Variants in TBC1D1 observed in about 807,000 individuals in gnomAD.
The protein encoded by TBC1D1 is TBC1 (tre-2/USP6, BUB2, cdc16) domain family, member 1.
TBC1D1 carries 89 observed loss-of-function variants against 125.6 expected under a neutral mutation model. The observed-to-expected ratio is 0.71, with a 90% confidence interval of 0.60 to 0.85. The LOEUF (loss-of-function observed/expected upper bound fraction) is 0.85, where lower values mean the gene tolerates loss of function less well. TBC1D1 is among the 40% of genes least tolerant of loss of function. The pLI, the probability that TBC1D1 is intolerant of heterozygous loss-of-function variation, is 0.00. For synonymous variants in TBC1D1, 565 were observed against 564.1 expected (o/e 1.00, Z -0.02); for missense variants, 1,377 against 1,469.2 (o/e 0.94, Z 1.03).
intron 2 of TBC1D1, among the ~76,000 whole-genome samples, chr4:37,957,063 G>A (rs1176898013): frequency 6.6e-6 from 1 of 152,016 alleles, no homozygotes; most frequent in Non-Finnish European, 1.5e-5. Context: ...CTGCACCATG[G>A]CCTCCCTCCC....
At chr4:38,108,136 A>G (rs117909428) in intron 15 of TBC1D1, among the ~76,000 whole-genome samples, 2,236 of 152,290 alleles carry the variant, frequency 0.015, 44 homozygotes, top group South Asian at 0.055. Context: ...TGGGTAGACA[A>G]CATGGACTGC....
intron 6 of TBC1D1, among the ~76,000 whole-genome samples, chr4:38,023,078 G>A (rs530672028): frequency 1.1e-4 from 16 of 151,666 alleles, no homozygotes; most frequent in Admixed American, 2.0e-4. Flanking sequence ...TCTCAAATAC[G>A]TTTCTACTAA....
chr4:37,994,236 T>C (rs1400635608), intron 2 of TBC1D1, among the ~76,000 whole-genome samples: 1 of 152,248 alleles, frequency 6.6e-6, no homozygotes, highest in Non-Finnish European at 1.5e-5. Flanking sequence ...GAATGAGCTC[T>C]AGTTGAAAGA....
At chr4:38,133,019 CGCCT>C in intron 18 of TBC1D1, 61 bp from the exon 21 acceptor site, 3 of 1,474,376 alleles carry the variant, frequency 2.0e-6, no homozygotes, top group Non-Finnish European at 2.8e-6. Flanking sequence ...TGATTGCAGA[CGCCT>C]GCCTGTACTT....
In TBC1D1 at chr4:38,104,535, C is replaced by A. The variant is rs539269787; in HGVS notation, c.2557+1378C>A. Among the ~76,000 whole-genome samples the A allele has an allele frequency of 5.8e-4, 89 of 152,292 alleles. 1 individual carries two copies. The highest frequency in any genetic ancestry group is 1.8e-4 in the Non-Finnish European group (12 of 68,016). On this transcript the variant is annotated intron_variant, in intron 15 of 19. Coordinates refer to ENST00000261439, the MANE Select transcript of TBC1D1 (RefSeq NM_015173.4). ...GCCCTGCTGCTTTTAGAGCATGTGG[C>A]CCTGCTTCCAGAATACCTGTTCTGG...
intron 13 of TBC1D1, among the ~76,000 whole-genome samples, chr4:38,093,519 T>TTTCC (rs375345240): frequency 6.9e-6 from 1 of 145,756 alleles, no homozygotes; most frequent in Non-Finnish European, 1.5e-5. Context: ...AAGGCCGTTT[T>TTTCC]CCCCCCCCTT....
chr4:37,909,401 G>C (rs943722767), intron 2 of TBC1D1, among the ~76,000 whole-genome samples: 2 of 152,090 alleles, frequency 1.3e-5, no homozygotes, highest in African/African-American at 4.8e-5. Flanking sequence ...TTACTAATTT[G>C]TTTTAATAAT....
intron 12 of TBC1D1, among the ~76,000 whole-genome samples, chr4:38,079,071 C>CT (rs1358592144): frequency 6.6e-6 from 1 of 151,388 alleles, no homozygotes; most frequent in Non-Finnish European, 1.5e-5. Flanking sequence ...GTACCCTGGG[C>CT]TGAGGAGGCC....
chr4:38,032,028 A>T (rs1746250168), intron 7 of TBC1D1, among the ~76,000 whole-genome samples: 1 of 152,204 alleles, frequency 6.6e-6, no homozygotes, highest in African/African-American at 2.4e-5. Flanking sequence ...TAAGAAATGG[A>T]GCATTTCTGG....
At chr4:38,056,435 C>G (rs535790857) in intron 12 of TBC1D1, among the ~76,000 whole-genome samples, 1 of 152,320 alleles carries the variant, frequency 6.6e-6, no homozygotes, top group South Asian at 2.1e-4. Flanking sequence ...TAATCTGTTT[C>G]TGCTTTAAGT....
intron 15 of TBC1D1, among the ~76,000 whole-genome samples, chr4:38,109,378 CGTT>C (rs1418013467): frequency 6.6e-6 from 1 of 152,154 alleles, no homozygotes; most frequent in Non-Finnish European, 1.5e-5. Context: ...AACTAAATGT[CGTT>C]GATAAAAGGA....
intron 19 of TBC1D1, among the ~76,000 whole-genome samples, chr4:38,134,347 C>T (rs555707163): frequency 6.6e-6 from 1 of 152,272 alleles, no homozygotes; most frequent in African/African-American, 2.4e-5. Context: ...GAACCAAGAC[C>T]GAATGCTATT....
chr4:38,093,000 A>C (rs961733729), intron 13 of TBC1D1, among the ~76,000 whole-genome samples: 1 of 152,146 alleles, frequency 6.6e-6, no homozygotes, highest in Non-Finnish European at 1.5e-5. Flanking sequence ...AGAGAACACA[A>C]ACTCCACACA....
intron 2 of TBC1D1, among the ~76,000 whole-genome samples, chr4:37,955,269 C>T (rs1334979479): frequency 1.3e-5 from 2 of 152,130 alleles, no homozygotes; most frequent in African/African-American, 2.4e-5. Context: ...AAAGGTAGCG[C>T]AGACTTAATG....
At chr4:37,967,723 GA>G (rs1280462204) in intron 2 of TBC1D1, among the ~76,000 whole-genome samples, 1 of 151,892 alleles carries the variant, frequency 6.6e-6, no homozygotes, top group Non-Finnish European at 1.5e-5. Flanking sequence ...TTTCAGTTTA[GA>G]AAAAAAAGTT....
intron 12 of TBC1D1, among the ~76,000 whole-genome samples, chr4:38,070,510 C>G (rs962701735): frequency 6.6e-6 from 1 of 152,214 alleles, no homozygotes; most frequent in Admixed American, 6.5e-5. Flanking sequence ...GGATTCATAT[C>G]TAAATCCTAG....
chr4:38,027,568 C>T (rs1248757331), intron 6 of TBC1D1, among the ~76,000 whole-genome samples: 4 of 151,802 alleles, frequency 2.6e-5, no homozygotes, highest in South Asian at 2.1e-4. Flanking sequence ...GGTTGAGGCT[C>T]GCATAATCAG....
In TBC1D1 at chr4:37,973,235, A is replaced by T. The variant is rs952556972; in HGVS notation, c.418-41274A>T. Among the ~76,000 whole-genome samples, 14 of 152,200 alleles carry T rather than the reference A, an allele frequency of 9.2e-5. 1 individual carries two copies. The highest frequency in any genetic ancestry group is 9.2e-4 in the Admixed American group (14 of 15,272). On this transcript the variant is annotated intron_variant, in intron 2 of 19. Coordinates refer to ENST00000261439, the MANE Select transcript of TBC1D1 (RefSeq NM_015173.4). Reference sequence around the variant, plus strand: ...CCCTGTGTGCCTAAAAGATAACACAAACCTTAGACAAATTCTAACCCAGAC... The same window carrying T: ...CCCTGTGTGCCTAAAAGATAACACATACCTTAGACAAATTCTAACCCAGAC...
chr4:38,134,115 A>G (rs1766065641), intron 19 of TBC1D1, among the ~76,000 whole-genome samples: 1 of 152,212 alleles, frequency 6.6e-6, no homozygotes, highest in Non-Finnish European at 1.5e-5. Context: ...GGATAAAAAT[A>G]CATATTTTTG....
Sources: gnomAD v4.1 joint callset for allele counts (sites outside exome capture counted in the v4.1 genomes callset) on GRCh38, gnomAD v4.1.1 for gene constraint, MANE v1.5 for transcripts, NCBI Gene and HGNC (gene_info 2026-07-23, HGNC 2026-07-21) for gene names.